Variants in MTSS1 observed in about 807,000 individuals in gnomAD.
The protein encoded by MTSS1 is protein MTSS 1.
Under a neutral mutation model 79.0 loss-of-function variants are expected in MTSS1, and 18 were observed. The ratio of observed to expected loss-of-function variants is 0.23; its 90% CI spans 0.16 to 0.34. The LOEUF is 0.34. Ranked by LOEUF, MTSS1 falls within the 10% of genes least tolerant of loss-of-function variation. MTSS1 has a pLI of 1.00. For synonymous variants in MTSS1, 341 were observed against 368.6 expected (o/e 0.93, Z 0.86); for missense variants, 815 against 986.2 (o/e 0.83, Z 2.33).
chr8:124,556,010 A>G (rs1225466172), intron 12 of MTSS1, 106 bp from the exon 13 acceptor site: 4 of 1,550,068 alleles, frequency 2.6e-6, no homozygotes, highest in South Asian at 2.3e-5. Context: ...CCAGGGGGCT[A>G]TTGACTTGCT....
At chr8:124,687,837 C>T (rs926403204) in intron 3 of MTSS1, among the ~76,000 whole-genome samples, 29 of 152,268 alleles carry the variant, frequency 1.9e-4, no homozygotes, top group Admixed American at 1.8e-3. Context: ...ATTAAAAGGG[C>T]GCGTATTAAA....
At chr8:124,692,378 G>GC (rs1405317539) in intron 3 of MTSS1, among the ~76,000 whole-genome samples, 1 of 147,546 alleles carries the variant, frequency 6.8e-6, no homozygotes, top group African/African-American at 2.5e-5. Context: ...TTTTTAAAAA[G>GC]AAAAAAAAAA....
intron 1 of MTSS1, among the ~76,000 whole-genome samples, chr8:124,724,356 C>T (rs1230932616): frequency 6.6e-6 from 1 of 152,150 alleles, no homozygotes; most frequent in Non-Finnish European, 1.5e-5. Context: ...TGGGGAGGAA[C>T]TGAACAAGGC....
Position 124,550,892 on chromosome 8 carries a change from A to G in MTSS1, c.*2100T>C, listed in dbSNP as rs1822412438. 1 of 152,626 alleles carries G rather than the reference A, an allele frequency of 6.6e-6. No individual in the cohort carries two copies. Among genetic ancestry groups the G allele is most frequent in the South Asian group, 2.1e-4 (1 of 4,828 alleles). The allele number at this position is 152,626 out of a possible 1,614,324, so 9.5% of individuals were successfully genotyped here. A position where few individuals can be genotyped will look rare whatever the true frequency, so the allele number is the denominator to read the frequency against. On this transcript the variant is annotated 3_prime_UTR_variant, in exon 14 of 14. Transcript: ENST00000518547. ...TATTTATACAAGTTTAGAACAAAAA[A>G]CTGCACAGGGAGAGGTCAACTCTCA...
chr8:124,620,538 C>T (rs1417611874), intron 3 of MTSS1, among the ~76,000 whole-genome samples: 1 of 152,132 alleles, frequency 6.6e-6, no homozygotes, highest in Non-Finnish European at 1.5e-5. Context: ...CAACATAAAC[C>T]CTGTGTCAGC....
At chr8:124,650,077 C>T (rs1414478199) in intron 3 of MTSS1, among the ~76,000 whole-genome samples, 1 of 151,280 alleles carries the variant, frequency 6.6e-6, no homozygotes, top group African/African-American at 2.4e-5. Flanking sequence ...GTCACCCAGG[C>T]TGGAGTGCAG....
intron 3 of MTSS1, among the ~76,000 whole-genome samples, chr8:124,620,278 T>C (rs1425312176): frequency 3.3e-5 from 5 of 152,180 alleles, no homozygotes; most frequent in Non-Finnish European, 7.3e-5. Flanking sequence ...CTGCTTTAAC[T>C]TTCTCCTGTT....
At chr8:124,644,261 T>C (rs929884516) in intron 3 of MTSS1, among the ~76,000 whole-genome samples, 2 of 152,234 alleles carry the variant, frequency 1.3e-5, no homozygotes, top group African/African-American at 4.8e-5. Flanking sequence ...TTGGTTTCCT[T>C]GGCAACCTTA....
chr8:124,670,303 A>G (rs1228619917), intron 3 of MTSS1, among the ~76,000 whole-genome samples: 2 of 152,150 alleles, frequency 1.3e-5, no homozygotes, highest in Non-Finnish European at 2.9e-5. Context: ...TGGGATGGAA[A>G]GGAATTTGGC....
intron 3 of MTSS1, among the ~76,000 whole-genome samples, chr8:124,697,253 TA>T (rs10693846): frequency 8.4e-4 from 123 of 146,054 alleles, no homozygotes; most frequent in Middle Eastern, 3.6e-3. Flanking sequence ...TAGAGCAGCT[TA>T]AAAAAAAAAA....
At chr8:124,602,964 G>C (rs1456521089) in intron 3 of MTSS1, among the ~76,000 whole-genome samples, 1 of 152,214 alleles carries the variant, frequency 6.6e-6, no homozygotes, top group Non-Finnish European at 1.5e-5. Flanking sequence ...CCTTAGAGCT[G>C]GAAGGTGCCT....
chr8:124,693,643 C>T (rs1473531773), intron 3 of MTSS1, among the ~76,000 whole-genome samples: 1 of 152,064 alleles, frequency 6.6e-6, no homozygotes, highest in Non-Finnish European at 1.5e-5. Context: ...CCTAGAAGGT[C>T]CGGCGTCCAC....
chr8:124,583,520 G>A (rs1198410813), intron 6 of MTSS1, among the ~76,000 whole-genome samples: 2 of 152,180 alleles, frequency 1.3e-5, no homozygotes, highest in Non-Finnish European at 2.9e-5. Flanking sequence ...GAGTGACAGA[G>A]GACAACCAAT....
At chr8:124,612,058 C>A (rs1043342936) in intron 3 of MTSS1, among the ~76,000 whole-genome samples, 1 of 151,652 alleles carries the variant, frequency 6.6e-6, no homozygotes, top group Admixed American at 6.5e-5. Context: ...AGCAAATAAT[C>A]TTAATGGTAC....
intron 3 of MTSS1, among the ~76,000 whole-genome samples, chr8:124,598,737 T>TA (rs1392072479): frequency 6.6e-6 from 1 of 152,204 alleles, no homozygotes; most frequent in African/African-American, 2.4e-5. Flanking sequence ...CAGCAGGCAC[T>TA]AACCCCCTCT....
intron 3 of MTSS1, among the ~76,000 whole-genome samples, chr8:124,648,888 T>C (rs1387475848): frequency 6.6e-6 from 1 of 152,208 alleles, no homozygotes; most frequent in Admixed American, 6.5e-5. Context: ...TCGAGTACTA[T>C]GGGGTCCACC....
At position 124,714,555 on chromosome 8, in the gene MTSS1, A is replaced by G. The variant is rs892007764; in HGVS notation, c.73-10364T>C. Among the ~76,000 whole-genome samples the G allele has an allele frequency of 4.6e-5, 7 of 152,126 alleles. 1 individual carries two copies. Among genetic ancestry groups the G allele is most frequent in the Admixed American group, 3.9e-4 (6 of 15,262 alleles). ...TTGGCTCACTGCAACCTCCGCCTCC[A>G]GGGTTCAAGTGATCTTCCTGCCCCA... On this transcript the variant is annotated intron_variant, in intron 1 of 13. Transcript: ENST00000518547.
intron 3 of MTSS1, among the ~76,000 whole-genome samples, chr8:124,679,271 T>C (rs1350939438): frequency 1.3e-5 from 2 of 152,240 alleles, no homozygotes; most frequent in Non-Finnish European, 2.9e-5. Context: ...ATGACCATCC[T>C]CACTGCAGTC....
At chr8:124,632,165 G>C (rs1467881896) in intron 3 of MTSS1, among the ~76,000 whole-genome samples, 2 of 150,492 alleles carry the variant, frequency 1.3e-5, no homozygotes, top group Non-Finnish European at 3.0e-5. Context: ...TGTAGTCCCA[G>C]CTACTTGGGA....
Sources: gnomAD v4.1 joint callset for allele counts (sites outside exome capture counted in the v4.1 genomes callset) on GRCh38, gnomAD v4.1.1 for gene constraint, MANE v1.5 for transcripts, NCBI Gene and HGNC (gene_info 2026-07-23, HGNC 2026-07-21) for gene names.